The following SNPH variants were observed in gnomAD, a reference collection of about 807,000 sequenced individuals.
SNPH encodes syntaphilin.
Under a neutral mutation model 36.8 loss-of-function variants are expected in SNPH, and 10 were observed. The observed-to-expected ratio is 0.27, with a 90% confidence interval of 0.17 to 0.46. The LOEUF (loss-of-function observed/expected upper bound fraction) is 0.46, where lower values mean the gene tolerates loss of function less well. SNPH is among the 20% of genes least tolerant of loss of function. The pLI is 1.00. For missense variants in SNPH, 622 were observed against 744.0 expected (o/e 0.84, Z 1.91); for synonymous variants, 281 against 312.2 (o/e 0.90, Z 1.05).
intron 2 of SNPH, among the ~76,000 whole-genome samples, chr20:1,272,671 T>C (rs1428044118): frequency 1.3e-5 from 2 of 152,230 alleles, no homozygotes; most frequent in Admixed American, 1.3e-4. Flanking sequence ...TAGTGCTCAG[T>C]CATTATTGGC....
At chr20:1,277,883 C>T (rs1261711158) in intron 2 of SNPH, among the ~76,000 whole-genome samples, 3 of 117,962 alleles carry the variant, frequency 2.5e-5, no homozygotes, top group Admixed American at 9.0e-5. Flanking sequence ...CTGTCTGTGC[C>T]GATGTGTCTG....
rs920640626 is a variant in SNPH at position 1,266,503 on chromosome 20, G to A, written c.-600+106G>A. ...GTGGGGTGGGGGCCGCGGGCCGCGA[G>A]GAGGAGGGGACGGAGCACCCGGCAG... On this transcript the variant is annotated intron_variant, in intron 1 of 6. Transcript: ENST00000381867. This position sits in a 1 kb window ranked among gnomAD's most constrained non-coding sequence, Gnocchi z 6.0. 4 of 1,149,736 alleles carry A rather than the reference G, an allele frequency of 3.5e-6. No individual in the cohort carries two copies. The highest frequency in any genetic ancestry group is 4.6e-6 in the Non-Finnish European group (4 of 873,976). 71.2% of individuals were successfully genotyped at this position (1,149,736 alleles called of 1,614,324 possible).
rs749157610 is a variant in SNPH at position 1,306,017 on chromosome 20, C to T, written c.1580C>T (p.Pro527Leu). ...ATCAGCTGCCGCTCGCTGAGCCAGCCGAGTCCCAGCCCAGCGGGCGGCGGC... is the reference window on the plus strand; with the variant it reads ...ATCAGCTGCCGCTCGCTGAGCCAGCTGAGTCCCAGCCCAGCGGGCGGCGGC... ...RRISCRSLSQ[P>L]SPSPAGGGSQ... The change falls in exon 7 of 7, where the codon CCG (proline) becomes CTG (leucine). Residue 527 changes from proline to leucine, a missense_variant. Pro to Leu is a moderately conservative substitution (Grantham distance 98). Coordinates refer to ENST00000381867, the MANE Select transcript of SNPH (RefSeq NM_001318234.2). 30 of 1,513,128 alleles carry T rather than the reference C, an allele frequency of 2.0e-5. No individual in the cohort carries two copies. The highest frequency in any genetic ancestry group is 2.5e-5 in the East Asian group (1 of 40,700). The allele number at this position is 1,513,128 out of a possible 1,614,324, so 93.7% of individuals were successfully genotyped here.
chr20:1,281,180 G>A (rs1380664945), intron 2 of SNPH, among the ~76,000 whole-genome samples: 1 of 152,064 alleles, frequency 6.6e-6, no homozygotes, highest in African/African-American at 2.4e-5. Context: ...CTCTTCTGGG[G>A]ACCCTCAAGA....
Position 1,266,350 on chromosome 20 carries a change from A to C in SNPH, c.-647A>C. ...GCCTCCTGCAGGGGCTCGGGAGAGC[A>C]ATTCGGCGGCCCCTGCAGGGCAGCT... On this transcript the variant is annotated 5_prime_UTR_variant, in exon 1 of 7. Coordinates refer to ENST00000381867, the MANE Select transcript of SNPH (RefSeq NM_001318234.2). The surrounding 1 kb of genome is among the most constrained non-coding windows in gnomAD (Gnocchi z 6.0). The C allele has an allele frequency of 1.8e-5, 4 of 222,498 alleles. No individual in the cohort carries two copies. The highest frequency in any genetic ancestry group is 2.0e-4 in the East Asian group (2 of 10,060). The allele number at this position is 222,498 out of a possible 1,614,324, so 13.8% of individuals were successfully genotyped here. A position where few individuals can be genotyped will look rare whatever the true frequency, so the allele number is the denominator to read the frequency against.
In SNPH at chr20:1,285,759, G is replaced by T. The variant is rs966846; in HGVS notation, c.-492-9192G>T. ...GTTCAAGCCGTGGTTTCTTTCTGTC[G>T]GGTTAGTCTGCCTGTCAGCAAAAGG... is the stretch of plus-strand genomic sequence containing the variant. On this transcript the variant is annotated intron_variant, in intron 2 of 6. Transcript: ENST00000381867. The surrounding 1 kb of genome is among the most constrained non-coding windows in gnomAD (Gnocchi z 4.9). Among the ~76,000 whole-genome samples the T allele has an allele frequency of 6.6e-6, 1 of 151,946 alleles. No individual in the cohort carries two copies. The highest frequency in any genetic ancestry group is 1.5e-5 in the Non-Finnish European group (1 of 67,966).
intron 3 of SNPH, among the ~76,000 whole-genome samples, 158 bp from the exon 4 acceptor site, chr20:1,295,618 A>G (rs373844389): frequency 2.6e-4 from 40 of 152,332 alleles, no homozygotes; most frequent in South Asian, 1.0e-3. Context: ...ACCTGGCTGC[A>G]TGTCCTGCGT....
At chr20:1,292,752 C>G (rs1215644333) in intron 2 of SNPH, among the ~76,000 whole-genome samples, 2 of 152,178 alleles carry the variant, frequency 1.3e-5, no homozygotes, top group East Asian at 3.9e-4. Flanking sequence ...CCTCAACAGG[C>G]TCCCTAGTTT....
chr20:1,291,390 A>C (rs1463458960), intron 2 of SNPH, among the ~76,000 whole-genome samples: 1 of 152,236 alleles, frequency 6.6e-6, no homozygotes, highest in Non-Finnish European at 1.5e-5. Context: ...TTTTGTTGAC[A>C]AAGGAGGAGC....
intron 2 of SNPH, among the ~76,000 whole-genome samples, chr20:1,270,374 CAG>C (rs767384483): frequency 1.1e-4 from 16 of 148,916 alleles, no homozygotes; most frequent in Non-Finnish European, 1.9e-4. Context: ...GGTGGGGGGA[CAG>C]AGAGAGGGGA....
At chr20:1,274,389 A>G (rs151163980) in intron 2 of SNPH, among the ~76,000 whole-genome samples, 1 of 152,226 alleles carries the variant, frequency 6.6e-6, no homozygotes, top group African/African-American at 2.4e-5. Context: ...TCTAGTAACA[A>G]AACAATGTGT....
chr20:1,284,266 C>T (rs1406791459), intron 2 of SNPH, among the ~76,000 whole-genome samples: 1 of 152,076 alleles, frequency 6.6e-6, no homozygotes, highest in Non-Finnish European at 1.5e-5. Flanking sequence ...AAGCTTTCTT[C>T]CCCCCCTTTT....
rs1471003340 is a variant in SNPH, at chr20:1,305,422, C to G, written c.985C>G (p.Pro329Ala). The change falls in exon 7 of 7, where the codon CCC becomes GCC. Residue 329 changes from proline (P) to alanine (A), a missense_variant. Coordinates refer to ENST00000381867, the MANE Select transcript of SNPH (RefSeq NM_001318234.2). ...GCTGCACAGCTCCTTCGGCCTGGGC[C>G]CCCGCTTCCCTGCCAGCAACACCTA... Reference protein sequence around the residue: ...TSLHSSFGLGPRFPASNTYEK... With the variant: ...TSLHSSFGLGARFPASNTYEK... 24 of 1,613,020 alleles carry G rather than the reference C, an allele frequency of 1.5e-5. No homozygotes were observed. In the Admixed American group the frequency reaches 4.0e-4, roughly 27 times the overall value.
intron 2 of SNPH, among the ~76,000 whole-genome samples, chr20:1,283,409 A>G (rs1251233831): frequency 1.3e-5 from 2 of 152,192 alleles, no homozygotes; most frequent in Non-Finnish European, 2.9e-5. Context: ...CCAAGCTCCA[A>G]TGCCGTGCCA....
In SNPH at chr20:1,296,021, G is replaced by A. The variant is rs2088426363; in HGVS notation, c.-219G>A. ...AGGAGGCCCTGCTCCTGAAGCCTCT[G>A]TGACCTTGGGCACGGCCTTCACTCT... On this transcript the variant is annotated 5_prime_UTR_variant, in exon 4 of 7. It adds an upstream start codon to the 5' untranslated region. Transcript: ENST00000381867. 2.1e-6 allele frequency: 1 copy of A among 487,724 alleles called. No individual in the cohort carries two copies. The highest frequency in any genetic ancestry group is 3.5e-6 in the Non-Finnish European group (1 of 282,216). The allele number at this position is 487,724 out of a possible 1,614,324, so 30.2% of individuals were successfully genotyped here. A position where few individuals can be genotyped will look rare whatever the true frequency, so the allele number is the denominator to read the frequency against.
chr20:1,279,206 T>G (rs2088186685), intron 2 of SNPH, among the ~76,000 whole-genome samples: 1 of 152,226 alleles, frequency 6.6e-6, no homozygotes, highest in Non-Finnish European at 1.5e-5. Context: ...TTTCAGTTCC[T>G]CTACATCCTC....
At chr20:1,270,026 C>G (rs1344078154) in intron 2 of SNPH, among the ~76,000 whole-genome samples, 2 of 152,166 alleles carry the variant, frequency 1.3e-5, no homozygotes, top group East Asian at 3.8e-4. Flanking sequence ...TTAGTCTGAG[C>G]CCTCTCAATA....
At chr20:1,283,865 C>T (rs1046923376) in intron 2 of SNPH, among the ~76,000 whole-genome samples, 2 of 152,192 alleles carry the variant, frequency 1.3e-5, no homozygotes, top group South Asian at 4.1e-4. Flanking sequence ...GTTTGCTTTT[C>T]TGGACCCCCA....
Position 1,266,612 on chromosome 20 carries a change from C to A in SNPH, c.-599-42C>A. ...CAGCTGCCTGGGTGTTCCCCGCCCG[C>A]GCTCACCCGCCCCGGTCTATCTCTT... On this transcript the variant is annotated intron_variant, in intron 1 of 6. Transcript: ENST00000381867. The surrounding 1 kb of genome is among the most constrained non-coding windows in gnomAD (Gnocchi z 6.0). 1 of 1,442,270 alleles carries A rather than the reference C, an allele frequency of 6.9e-7. No homozygotes were observed. Among genetic ancestry groups the A allele is most frequent in the South Asian group, 1.5e-5 (1 of 67,804 alleles). 89.3% of individuals were successfully genotyped at this position (1,442,270 alleles called of 1,614,324 possible).
Sources: allele counts gnomAD v4.1 joint callset (sites outside exome capture counted in the v4.1 genomes callset), GRCh38; gene constraint gnomAD v4.1.1; non-coding constraint Gnocchi (gnomAD v3.1); transcripts MANE v1.5; gene names NCBI Gene and HGNC (gene_info 2026-07-23, HGNC 2026-07-21).